Variants in NRL observed in about 807,000 individuals in gnomAD.
The protein encoded by NRL is neural retina-specific leucine zipper protein.
In NRL, 16 loss-of-function variants were observed where a neutral mutation model predicts 12.5. The observed-to-expected ratio is 1.28, with a 90% confidence interval of 0.87 to 1.95. NRL has a LOEUF of 1.95. Ranked by LOEUF, NRL falls within the 30% of genes most tolerant of loss-of-function variation. The pLI, the probability that NRL is intolerant of heterozygous loss-of-function variation, is 0.00. For synonymous variants in NRL, 142 were observed against 150.9 expected (o/e 0.94, Z 0.43); for missense variants, 314 against 325.8 (o/e 0.96, Z 0.28).
At chr14:24,099,509 CCT>C in intron 1 of NRL, 1 of 1,528,176 alleles carries the variant, frequency 6.5e-7, no homozygotes. Flanking sequence ...CAGACCATGC[CCT>C]GACTTTTGGT....
Position 24,094,755 on chromosome 14 carries a change from T to G in NRL, c.-27-11880A>C. 3 of 1,439,188 alleles carry G rather than the reference T, an allele frequency of 2.1e-6. No individual in the cohort carries two copies. Among genetic ancestry groups the G allele is most frequent in the East Asian group, 3.1e-5 (1 of 31,942 alleles). 89.2% of individuals were successfully genotyped at this position (1,439,188 alleles called of 1,614,324 possible). ...GAGCCAGGTCTCCGCATATCCTCCT[T>G]TCCTTCCCAGATACCTCCCTCGGAC... On this transcript the variant is annotated intron_variant, in intron 1 of 2. Transcript: ENST00000561028. This position sits in a 1 kb window ranked among gnomAD's most constrained non-coding sequence, Gnocchi z 4.1.
chr14:24,114,670 T>G (rs1025822979), intron 1 of NRL, 52 bp downstream of exon 1: 1 of 985,446 alleles, frequency 1.0e-6, no homozygotes, highest in Non-Finnish European at 1.2e-6. Flanking sequence ...CAGCCCTCCT[T>G]GGGTGTGCAC....
intron 1 of NRL, among the ~76,000 whole-genome samples, chr14:24,100,841 G>A (rs779013557): frequency 2.6e-5 from 4 of 152,194 alleles, no homozygotes; most frequent in Non-Finnish European, 5.9e-5. Context: ...CAGTGCTTGA[G>A]TCTTTCCCAG....
chr14:24,103,680 G>A, intron 1 of NRL: 1 of 1,614,232 alleles, frequency 6.2e-7, no homozygotes, highest in Non-Finnish European at 8.5e-7. Context: ...CCTGTGGCCA[G>A]GCTTTGGGGA....
intron 1 of NRL, among the ~76,000 whole-genome samples, chr14:24,107,286 C>T (rs1054271024): frequency 7.2e-5 from 11 of 152,088 alleles, no homozygotes; most frequent in Non-Finnish European, 1.2e-4. Context: ...CCCTTCAGCT[C>T]CAGATAACTG....
chr14:24,111,219 A>T (rs1400114459), intron 1 of NRL, among the ~76,000 whole-genome samples: 2 of 151,944 alleles, frequency 1.3e-5, no homozygotes, highest in Non-Finnish European at 2.9e-5. Context: ...GCCACAAATG[A>T]TCCTCCTCCT....
At chr14:24,090,699 C>T (rs1052253754) in intron 1 of NRL, among the ~76,000 whole-genome samples, 1 of 152,232 alleles carries the variant, frequency 6.6e-6, no homozygotes, top group Non-Finnish European at 1.5e-5. Flanking sequence ...AGATCACACT[C>T]TGCCCCCTGG....
intron 1 of NRL, chr14:24,099,760 G>C (rs374793084): frequency 2.6e-5 from 42 of 1,589,260 alleles, no homozygotes; most frequent in Admixed American, 6.7e-5. Flanking sequence ...TCTGGCTCTT[G>C]TCAGAGCCTC....
intron 1 of NRL, among the ~76,000 whole-genome samples, chr14:24,104,460 G>A (rs905040295): frequency 5.9e-4 from 88 of 148,088 alleles, no homozygotes; most frequent in African/African-American, 2.1e-3. Flanking sequence ...AAACCCTATC[G>A]CTACTAAAAA....
intron 1 of NRL, among the ~76,000 whole-genome samples, chr14:24,089,991 G>A (rs1331748177): frequency 6.6e-6 from 1 of 152,160 alleles, no homozygotes; most frequent in African/African-American, 2.4e-5. Context: ...GTCAGCAGGG[G>A]CCAGATCATG....
At chr14:24,103,314 C>A in intron 1 of NRL, 2 of 1,399,358 alleles carry the variant, frequency 1.4e-6, no homozygotes, top group East Asian at 2.3e-5. Flanking sequence ...TCCTCTCTCC[C>A]TTCCTGAGCC....
At chr14:24,096,974 G>C in intron 1 of NRL, 3 of 1,613,558 alleles carry the variant, frequency 1.9e-6, no homozygotes, top group Non-Finnish European at 1.7e-6. Context: ...TGGAGATCTG[G>C]GCCAGCTTCC....
chr14:24,097,031 C>A, intron 1 of NRL: 1 of 1,613,724 alleles, frequency 6.2e-7, no homozygotes, highest in Non-Finnish European at 8.5e-7. Flanking sequence ...CCTGTGCCAA[C>A]CAGAGGGCAT....
chr14:24,103,027 G>A (rs1383402885), intron 1 of NRL: 3 of 1,220,406 alleles, frequency 2.5e-6, no homozygotes, highest in African/African-American at 1.5e-5. Context: ...TGCAAACTTG[G>A]GAGGAGGCAA....
intron 1 of NRL, chr14:24,095,192 C>T (rs1280045648): frequency 2.2e-6 from 1 of 456,098 alleles, no homozygotes; most frequent in Middle Eastern, 3.3e-4. Context: ...CAGCCCGTTC[C>T]ACTTGGGCAG....
rs1384229167 is a variant in NRL at position 24,094,044 on chromosome 14, T to C, written c.-27-11169A>G. 1.1e-5 allele frequency: 6 copies of C among 537,852 alleles called. No individual in the cohort carries two copies. Among genetic ancestry groups the C allele is most frequent in the African/African-American group, 6.1e-5 (3 of 49,378 alleles). The allele number at this position is 537,852 out of a possible 1,614,324, so 33.3% of individuals were successfully genotyped here. ...AGCAAGAGTCCTCAAAGTTACATCATGTGCGGCTGGGAGGGCGGTGGCGGA... is the reference window on the plus strand; with the variant it reads ...AGCAAGAGTCCTCAAAGTTACATCACGTGCGGCTGGGAGGGCGGTGGCGGA... On this transcript the variant is annotated intron_variant, in intron 1 of 2. Coordinates refer to ENST00000561028, the MANE Select transcript of NRL (RefSeq NM_001354768.3). The surrounding 1 kb of genome is among the most constrained non-coding windows in gnomAD (Gnocchi z 4.1).
chr14:24,099,864 C>G, intron 1 of NRL: 1 of 1,568,184 alleles, frequency 6.4e-7, no homozygotes, highest in Non-Finnish European at 8.8e-7. Context: ...CCCAGCCACC[C>G]GAGAGACAGC....
chr14:24,103,712 G>C (rs771014553), intron 1 of NRL: 1 of 1,614,180 alleles, frequency 6.2e-7, no homozygotes, highest in Non-Finnish European at 8.5e-7. Flanking sequence ...TGCTAGACTG[G>C]ATCTGCCGGC....
At position 24,079,955 on chromosome 14, in the gene NRL, T is replaced by C. The variant is rs1206115048; in HGVS notation, c.*1281A>G. Among the ~76,000 whole-genome samples the C allele has an allele frequency of 6.6e-6, 1 of 151,988 alleles. No homozygotes were observed. Among genetic ancestry groups the C allele is most frequent in the Non-Finnish European group, 1.5e-5 (1 of 67,982 alleles). On this transcript the variant is annotated 3_prime_UTR_variant, in exon 3 of 3. Transcript: ENST00000561028. ...GAGGGGGAGGATCCATCTGTTCCAA[T>C]GCCTGCCCCTCCACCCCATTTCCAT...
Sources: gnomAD v4.1 joint callset for allele counts (sites outside exome capture counted in the v4.1 genomes callset) on GRCh38, gnomAD v4.1.1 for gene constraint, Gnocchi (gnomAD v3.1) non-coding constraint, MANE v1.5 for transcripts, NCBI Gene and HGNC (gene_info 2026-07-23, HGNC 2026-07-21) for gene names.